NBAS: variants seen among roughly 807,000 people sequenced by gnomAD.
The protein encoded by NBAS is NBAS subunit of NRZ tethering complex.
A neutral mutation model predicts 302.5 loss-of-function variants in NBAS; 219 were observed. That is an observed-to-expected ratio of 0.72 (90% CI 0.65 to 0.81). NBAS has a LOEUF of 0.81. NBAS is among the 30% of genes least tolerant of loss of function. The probability of loss-of-function intolerance (pLI) is 0.00; values close to 1 mark genes in which losing one functional copy is unlikely to be tolerated. For missense variants in NBAS, 2,932 were observed against 2,841.6 expected (o/e 1.03, Z -0.72); for synonymous variants, 1,118 against 1,021.6 (o/e 1.09, Z -1.80).
At chr2:15,533,676 G>A (rs1425713681) in intron 9 of NBAS, among the ~76,000 whole-genome samples, 1 of 115,602 alleles carries the variant, frequency 8.7e-6, no homozygotes, top group East Asian at 2.4e-4. Flanking sequence ...TTCGGGGGGT[G>A]TGCGTGTGTG....
At chr2:15,189,592 C>T (rs549096040) in intron 49 of NBAS, among the ~76,000 whole-genome samples, 1 of 152,172 alleles carries the variant, frequency 6.6e-6, no homozygotes, top group South Asian at 2.1e-4. Context: ...GGAAATCTGA[C>T]CACTTCTTCC....
the NBAS span, among the ~76,000 whole-genome samples, chr2:15,043,259 C>T: frequency 6.6e-6 from 1 of 152,164 alleles, no homozygotes; most frequent in African/African-American, 2.4e-5. Context: ...AAAACCGGGA[C>T]ATTGCCTCCC....
At chr2:15,136,807 GA>G in the NBAS span, among the ~76,000 whole-genome samples, 2 of 152,128 alleles carry the variant, frequency 1.3e-5, no homozygotes, top group Non-Finnish European at 2.9e-5. Flanking sequence ...GATAGTGAAT[GA>G]ATTCTCATGA....
intron 21 of NBAS, among the ~76,000 whole-genome samples, chr2:15,451,051 C>CAATT (rs1678983039): frequency 6.6e-6 from 1 of 151,780 alleles, no homozygotes; most frequent in South Asian, 2.1e-4. Context: ...TTCATTCATC[C>CAATT]ATTTATTTAT....
the NBAS span, among the ~76,000 whole-genome samples, chr2:14,864,072 A>T: frequency 1.3e-5 from 2 of 152,128 alleles, no homozygotes; most frequent in East Asian, 3.9e-4. Context: ...TAATCCCAGC[A>T]CTTTGGGAGG....
At chr2:15,430,849 C>A (rs1389278200) in intron 21 of NBAS, among the ~76,000 whole-genome samples, 1 of 151,974 alleles carries the variant, frequency 6.6e-6, no homozygotes, top group African/African-American at 2.4e-5. Context: ...CTCGGTCGCC[C>A]AGTCTGGAGT....
At chr2:15,508,248 A>G (rs1661964718) in intron 10 of NBAS, among the ~76,000 whole-genome samples, 1 of 152,188 alleles carries the variant, frequency 6.6e-6, no homozygotes, top group African/African-American at 2.4e-5. Context: ...TTTCTTTTAA[A>G]AGACTTCAAT....
intron 47 of NBAS, among the ~76,000 whole-genome samples, chr2:15,219,512 G>A (rs1212150910): frequency 7.5e-6 from 1 of 133,374 alleles, no homozygotes; most frequent in Non-Finnish European, 1.6e-5. Flanking sequence ...TAAGATTAGG[G>A]AGTGGTGATG....
chr2:15,120,858 T>C, the NBAS span, among the ~76,000 whole-genome samples: 2 of 152,260 alleles, frequency 1.3e-5, no homozygotes, highest in African/African-American at 2.4e-5. Context: ...GCAGGCATCC[T>C]TGGAGATTTA....
the NBAS span, among the ~76,000 whole-genome samples, chr2:14,926,691 A>G: frequency 6.6e-6 from 1 of 152,184 alleles, no homozygotes; most frequent in South Asian, 2.1e-4. Context: ...CTGTTTTGCA[A>G]CCATCACCAC....
chr2:15,376,338 T>C (rs1017534602), intron 30 of NBAS, among the ~76,000 whole-genome samples: 1 of 152,032 alleles, frequency 6.6e-6, no homozygotes, highest in Non-Finnish European at 1.5e-5. Context: ...GAGAAAGAGA[T>C]GCAATGAAGG....
At position 15,280,343 on chromosome 2, in the gene NBAS, G is replaced by A. The variant is rs137891650; in HGVS notation, c.5139-3242C>T. 2.6e-4 allele frequency among the ~76,000 whole-genome samples: 40 copies of A among 152,154 alleles called. No individual in the cohort carries two copies. The East Asian group carries it at 5.0e-3, about 19-fold the overall frequency. On this transcript the variant is annotated intron_variant, in intron 42 of 51. Coordinates refer to ENST00000281513, the MANE Select transcript of NBAS (RefSeq NM_015909.4). ...GAAAGGAGTGCTTAGAAGGAAAGAG[G>A]AAGGAGGAGGCAAGAAGGAAGAAGG... is the stretch of plus-strand genomic sequence containing the variant.
At chr2:14,983,829 C>T in the NBAS span, among the ~76,000 whole-genome samples, 1 of 152,092 alleles carries the variant, frequency 6.6e-6, no homozygotes, top group Non-Finnish European at 1.5e-5. Context: ...CATTAAAAAC[C>T]CCTTCGTGGG....
intron 21 of NBAS, among the ~76,000 whole-genome samples, chr2:15,435,758 T>C (rs1328363290): frequency 2.6e-5 from 4 of 152,218 alleles, no homozygotes; most frequent in Non-Finnish European, 4.4e-5. Flanking sequence ...TCACTACTTA[T>C]CTGGACAACC....
At chr2:15,440,199 GCCT>G (rs1203204294) in intron 21 of NBAS, among the ~76,000 whole-genome samples, 9 of 152,340 alleles carry the variant, frequency 5.9e-5, no homozygotes, top group African/African-American at 2.2e-4. Context: ...CGGGCAGACT[GCCT>G]CCTCAAGTGG....
At chr2:15,233,488 T>C (rs1375539520) in intron 46 of NBAS, among the ~76,000 whole-genome samples, 1 of 152,222 alleles carries the variant, frequency 6.6e-6, no homozygotes, top group Non-Finnish European at 1.5e-5. Context: ...TGCATATTTT[T>C]GTGAGCTTCA....
chr2:14,794,080 A>T, the NBAS span, among the ~76,000 whole-genome samples: 1 of 152,220 alleles, frequency 6.6e-6, no homozygotes, highest in Admixed American at 6.5e-5. Flanking sequence ...GAAAGAAATG[A>T]TTTAAGAAAA....
the NBAS span, among the ~76,000 whole-genome samples, chr2:14,910,982 A>G: frequency 6.6e-6 from 1 of 152,234 alleles, no homozygotes; most frequent in Non-Finnish European, 1.5e-5. Flanking sequence ...AATTACCCAG[A>G]ATGACTTGGC....
intron 16 of NBAS, among the ~76,000 whole-genome samples, chr2:15,469,370 T>C (rs1270660397): frequency 6.6e-6 from 1 of 152,180 alleles, no homozygotes; most frequent in African/African-American, 2.4e-5. Flanking sequence ...CACACTGCTT[T>C]AAATGTGTCC....
Sources: allele counts gnomAD v4.1 joint callset (sites outside exome capture counted in the v4.1 genomes callset), GRCh38; gene constraint gnomAD v4.1.1; transcripts MANE v1.5; gene names NCBI Gene and HGNC (gene_info 2026-07-23, HGNC 2026-07-21).